GXYLT2: variants seen among roughly 807,000 people sequenced by gnomAD.
GXYLT2 encodes the protein glucoside xylosyltransferase 2, also known as glycosyltransferase 8 domain containing 4.
A neutral mutation model predicts 45.8 loss-of-function variants in GXYLT2; 53 were observed. The observed-to-expected ratio is 1.16, with a 90% CI of 0.93 to 1.46. The LOEUF is 1.46. Among genes scored for constraint, GXYLT2 ranks in the 40% most tolerant of loss-of-function variants. GXYLT2 has a pLI of 0.00. For missense variants in GXYLT2, 551 were observed against 544.4 expected, an observed-to-expected ratio of 1.01 and a Z score of -0.12; for synonymous variants, 219 against 214.2, an observed-to-expected ratio of 1.02 and a Z score of -0.19.
Position 72,903,836 on chromosome 3 carries a change from G to A in GXYLT2, c.276-4531G>A, listed in dbSNP as rs1393545379. Among the ~76,000 whole-genome samples the A allele has an allele frequency of 2.6e-5, 4 of 152,268 alleles. No individual in the cohort carries two copies. In the East Asian group the frequency reaches 5.8e-4, roughly 22 times the overall value. On this transcript the variant is annotated intron_variant, in intron 1 of 6. Coordinates refer to ENST00000389617, the MANE Select transcript of GXYLT2 (RefSeq NM_001080393.2). Reference sequence around the variant, plus strand: ...AACATCTTTTTAGGACCTTCGTTACGACTCTTATTTTGATTGCTAAGTTGT... The same window carrying A: ...AACATCTTTTTAGGACCTTCGTTACAACTCTTATTTTGATTGCTAAGTTGT...
chr3:72,912,516 A>G (rs1457821635), intron 2 of GXYLT2, among the ~76,000 whole-genome samples: 1 of 152,196 alleles, frequency 6.6e-6, no homozygotes, highest in African/African-American at 2.4e-5. Flanking sequence ...TATATTACAT[A>G]TATATGTACA....
intron 5 of GXYLT2, among the ~76,000 whole-genome samples, chr3:72,960,092 C>A (rs1319849558): frequency 6.6e-6 from 1 of 152,154 alleles, no homozygotes; most frequent in Non-Finnish European, 1.5e-5. Context: ...ATTACAGGCA[C>A]CTGCCACCAC....
intron 3 of GXYLT2, among the ~76,000 whole-genome samples, chr3:72,927,619 C>T (rs994518817): frequency 7.9e-5 from 12 of 152,064 alleles, no homozygotes; most frequent in African/African-American, 2.9e-4. Context: ...TTGCAACAAA[C>T]CCTTTGGATA....
At chr3:72,919,386 C>T (rs1709791612) in intron 2 of GXYLT2, among the ~76,000 whole-genome samples, 1 of 152,178 alleles carries the variant, frequency 6.6e-6, no homozygotes. Flanking sequence ...AGAAGCCAGT[C>T]TGAAAAGGCA....
At chr3:72,905,685 C>T (rs1488351528) in intron 1 of GXYLT2, among the ~76,000 whole-genome samples, 1 of 152,132 alleles carries the variant, frequency 6.6e-6, no homozygotes, top group Non-Finnish European at 1.5e-5. Context: ...TCCATCTTCA[C>T]CTGTGCTCTA....
intron 2 of GXYLT2, among the ~76,000 whole-genome samples, chr3:72,916,289 A>G (rs542019446): frequency 2.0e-5 from 3 of 150,952 alleles, no homozygotes; most frequent in Admixed American, 1.3e-4. Flanking sequence ...CTGAAGATGT[A>G]GCAGGAGCAA....
intron 6 of GXYLT2, among the ~76,000 whole-genome samples, chr3:72,972,408 A>G (rs566805525): frequency 5.9e-5 from 9 of 152,018 alleles, no homozygotes; most frequent in Non-Finnish European, 8.8e-5. Flanking sequence ...TGGGAGACCG[A>G]GGCAGGTGGA....
In GXYLT2 at chr3:72,975,621, A is replaced by G. The variant is rs988698202; in HGVS notation, c.*462A>G. The G allele has an allele frequency of 6.5e-6, 1 of 153,148 alleles. No individual in the cohort carries two copies. Among genetic ancestry groups the G allele is most frequent in the African/African-American group, 2.4e-5 (1 of 41,504 alleles). The allele number at this position is 153,148 out of a possible 1,614,324, so 9.5% of individuals were successfully genotyped here. A position where few individuals can be genotyped will look rare whatever the true frequency, so the allele number is the denominator to read the frequency against. Reference sequence around the variant, plus strand: ...AGAGCATATGGGTCAAGGGCTCAACATCAAGATTAGATTAGCCATAATCCT... The same window carrying G: ...AGAGCATATGGGTCAAGGGCTCAACGTCAAGATTAGATTAGCCATAATCCT... On this transcript the variant is annotated 3_prime_UTR_variant, in exon 7 of 7. Coordinates refer to ENST00000389617, the MANE Select transcript of GXYLT2 (RefSeq NM_001080393.2).
intron 3 of GXYLT2, among the ~76,000 whole-genome samples, chr3:72,948,543 A>G (rs563488160): frequency 2.0e-5 from 3 of 152,176 alleles, no homozygotes; most frequent in Non-Finnish European, 4.4e-5. Context: ...TCACAATGGA[A>G]ATTAAAAATC....
chr3:72,959,587 A>G (rs909842534), intron 5 of GXYLT2, among the ~76,000 whole-genome samples: 5 of 151,592 alleles, frequency 3.3e-5, no homozygotes, highest in African/African-American at 9.7e-5. Flanking sequence ...AATCCATTTC[A>G]CTGTGACAGT....
At chr3:72,916,277 G>A (rs1339862787) in intron 2 of GXYLT2, among the ~76,000 whole-genome samples, 1 of 149,888 alleles carries the variant, frequency 6.7e-6, no homozygotes, top group East Asian at 2.0e-4. Context: ...CCCCTTGCCA[G>A]TCTGAAGATG....
In GXYLT2 at chr3:72,961,996, G is replaced by A. The variant is rs569526172; in HGVS notation, c.976+4644G>A. Among the ~76,000 whole-genome samples, 8 of 152,260 alleles carry A rather than the reference G, an allele frequency of 5.3e-5. No individual in the cohort carries two copies. In the South Asian group the frequency reaches 1.7e-3, roughly 32 times the overall value. On this transcript the variant is annotated intron_variant, in intron 5 of 6. Transcript: ENST00000389617. ...TGTGAGTCAAGTGTGTGATACTAGG[G>A]AGGCAGGAGGAGTTCATGGGAACCT...
At chr3:72,945,135 A>AT (rs1710379195) in intron 3 of GXYLT2, among the ~76,000 whole-genome samples, 1 of 151,308 alleles carries the variant, frequency 6.6e-6, no homozygotes, top group Non-Finnish European at 1.5e-5. Context: ...AAAAAAAAAA[A>AT]AAATCAGCCG....
intron 4 of GXYLT2, 74 bp from the exon 5 acceptor site, chr3:72,957,155 C>T (rs1710664623): frequency 9.7e-6 from 14 of 1,447,012 alleles, no homozygotes; most frequent in Middle Eastern, 4.8e-4. Flanking sequence ...AAAACTAGTC[C>T]CTTTACATTG....
At chr3:72,906,199 A>G (rs1709507463) in intron 1 of GXYLT2, among the ~76,000 whole-genome samples, 1 of 152,162 alleles carries the variant, frequency 6.6e-6, no homozygotes, top group Admixed American at 6.5e-5. Context: ...CCAACCATGA[A>G]GCCAAGGAAG....
intron 3 of GXYLT2, among the ~76,000 whole-genome samples, chr3:72,928,494 A>G (rs1416984516): frequency 6.6e-6 from 1 of 152,202 alleles, no homozygotes; most frequent in Admixed American, 6.5e-5. Flanking sequence ...GGCCATCAGC[A>G]TTTCTTATTG....
chr3:72,944,162 A>G (rs988408951), intron 3 of GXYLT2, among the ~76,000 whole-genome samples: 2 of 151,688 alleles, frequency 1.3e-5, no homozygotes, highest in Non-Finnish European at 2.9e-5. Context: ...ATCATAGTTC[A>G]CTGCAGCCTC....
At chr3:72,915,429 G>A (rs769931639) in intron 2 of GXYLT2, among the ~76,000 whole-genome samples, 37 of 143,868 alleles carry the variant, frequency 2.6e-4, no homozygotes, top group African/African-American at 6.8e-4. Context: ...ATTTAAAGAC[G>A]TATACAATCG....
At chr3:72,943,714 A>G (rs1295850821) in intron 3 of GXYLT2, among the ~76,000 whole-genome samples, 3 of 151,308 alleles carry the variant, frequency 2.0e-5, no homozygotes, top group African/African-American at 7.3e-5. Flanking sequence ...TAGAAATCAC[A>G]TAAAATGTAC....
Sources: gnomAD v4.1 joint callset for allele counts (sites outside exome capture counted in the v4.1 genomes callset) on GRCh38, gnomAD v4.1.1 for gene constraint, MANE v1.5 for transcripts, NCBI Gene and HGNC (gene_info 2026-07-23, HGNC 2026-07-21) for gene names.